Variants in TMEM131 observed in about 807,000 individuals in gnomAD.
TMEM131 encodes 2610524E03Rik.
In TMEM131, 66 loss-of-function variants were observed where a neutral mutation model predicts 211.6. The observed-to-expected ratio is 0.31, with a 90% confidence interval of 0.26 to 0.38. The LOEUF (loss-of-function observed/expected upper bound fraction) is 0.38, where lower values mean the gene tolerates loss of function less well. Among genes scored for constraint, TMEM131 ranks in the 10% least tolerant of loss-of-function variants. The probability of loss-of-function intolerance (pLI) is 1.00; values close to 1 mark genes in which losing one functional copy is unlikely to be tolerated. For synonymous variants in TMEM131, 844 were observed against 841.3 expected, an observed-to-expected ratio of 1.00 and a Z score of -0.06; for missense variants, 2,036 against 2,299.3, an observed-to-expected ratio of 0.89 and a Z score of 2.34.
intron 31 of TMEM131, among the ~76,000 whole-genome samples, chr2:97,792,185 G>A (rs577113577): frequency 2.5e-4 from 38 of 152,314 alleles, no homozygotes; most frequent in African/African-American, 9.1e-4. Context: ...AACAATCTAA[G>A]AAATACAAAT....
chr2:97,807,976 G>T (rs373921129), intron 19 of TMEM131, among the ~76,000 whole-genome samples: 1 of 151,924 alleles, frequency 6.6e-6, no homozygotes, highest in African/African-American at 2.4e-5. Context: ...TTACTGTAAG[G>T]GTTGAGTATC....
At chr2:97,991,623 A>G (rs1680269780) in intron 1 of TMEM131, among the ~76,000 whole-genome samples, 1 of 152,216 alleles carries the variant, frequency 6.6e-6, no homozygotes, top group South Asian at 2.1e-4. Context: ...ACTGTCAGCT[A>G]GGGCACAACC....
At chr2:97,833,654 CTTTT>C (rs11341582) in intron 10 of TMEM131, among the ~76,000 whole-genome samples, 2 of 143,786 alleles carry the variant, frequency 1.4e-5, no homozygotes, top group Middle Eastern at 3.2e-3. Context: ...AAAATATATA[CTTTT>C]TTTTTTTTTT....
intron 36 of TMEM131, chr2:97,761,818 G>A (rs1364523307): frequency 5.9e-6 from 3 of 510,942 alleles, no homozygotes; most frequent in Admixed American, 3.8e-5. Flanking sequence ...TGGTAAGAAT[G>A]AATGGATTAG....
At chr2:97,883,108 G>T (rs1411868570) in intron 4 of TMEM131, among the ~76,000 whole-genome samples, 1 of 152,074 alleles carries the variant, frequency 6.6e-6, no homozygotes, top group African/African-American at 2.4e-5. Context: ...GGCCTCTCTT[G>T]TAAGGTCACT....
At position 97,813,962 on chromosome 2, in the gene TMEM131, T is replaced by C; in HGVS notation, c.1617+9A>G. ...GAGTTTAAATGTTAAAGATGGATAA[T>C]ATACTTACATCTAAAAAGCCTGTGT... On this transcript the variant is annotated intron_variant, in intron 15 of 40. Transcript: ENST00000186436. The C allele has an allele frequency of 6.4e-7, 1 of 1,569,588 alleles. No individual in the cohort carries two copies. The highest frequency in any genetic ancestry group is 8.6e-7 in the Non-Finnish European group (1 of 1,156,532).
intron 4 of TMEM131, among the ~76,000 whole-genome samples, chr2:97,884,326 AT>A (rs752387036): frequency 1.2e-4 from 18 of 152,168 alleles, no homozygotes; most frequent in Non-Finnish European, 2.5e-4. Context: ...TTTGAGATTC[AT>A]TTTGTGTCCT....
At chr2:97,883,715 A>G (rs540948923) in intron 4 of TMEM131, among the ~76,000 whole-genome samples, 1 of 152,338 alleles carries the variant, frequency 6.6e-6, no homozygotes, top group East Asian at 1.9e-4. Flanking sequence ...AAACAATTAA[A>G]AATAAGTGAA....
intron 11 of TMEM131, among the ~76,000 whole-genome samples, chr2:97,831,422 A>T (rs1428824393): frequency 6.6e-6 from 1 of 152,154 alleles, no homozygotes; most frequent in Non-Finnish European, 1.5e-5. Context: ...TTCATTAAAT[A>T]TTTATTGAAT....
At chr2:97,823,735 C>G (rs1682238830) in intron 11 of TMEM131, among the ~76,000 whole-genome samples, 1 of 152,106 alleles carries the variant, frequency 6.6e-6, no homozygotes, top group African/African-American at 2.4e-5. Flanking sequence ...TGATGTCCAC[C>G]ATAACTCAGG....
In TMEM131 at chr2:97,814,251, G is replaced by C. The variant is rs1431356983; in HGVS notation, c.1430C>G (p.Ala477Gly). 6.2e-6 allele frequency: 10 copies of C among 1,613,466 alleles called. No homozygotes were observed. The South Asian group carries it at 8.8e-5, about 14-fold the overall frequency. ...TGGACATACTTTAAACATTGTTTTG[G>C]CTTCTTCTGGTAGCAACACATCGTG... ...LIHDVLLPEE[A>G]KTMFKVHNFS... is the part of the protein sequence containing the mutation. The change falls in exon 14 of 41, where the codon GCC becomes GGC. Residue 477 changes from alanine (A) to glycine (G), a missense_variant. Ala to Gly is a moderately conservative substitution (Grantham distance 60). Around this residue, in one of 3 missense-constraint regions of TMEM131, gnomAD observed 1,623 missense variants for 1,805.9 expected, o/e 0.90. Coordinates refer to ENST00000186436, the MANE Select transcript of TMEM131 (RefSeq NM_015348.2).
At chr2:97,924,490 G>A (rs1439372102) in intron 2 of TMEM131, among the ~76,000 whole-genome samples, 1 of 152,144 alleles carries the variant, frequency 6.6e-6, no homozygotes, top group Non-Finnish European at 1.5e-5. Flanking sequence ...GCCCTGTGGG[G>A]ACAGGCATGC....
At chr2:97,817,314 G>A (rs1681875965) in intron 12 of TMEM131, among the ~76,000 whole-genome samples, 2 of 152,210 alleles carry the variant, frequency 1.3e-5, no homozygotes, top group Admixed American at 6.5e-5. Flanking sequence ...CTGGCTGGGT[G>A]CAGTGCCTCA....
intron 34 of TMEM131, 44 bp from the exon 35 acceptor site, chr2:97,766,307 CCTTT>C (rs1679163372): frequency 6.2e-7 from 1 of 1,611,930 alleles, no homozygotes; most frequent in Non-Finnish European, 8.5e-7. Flanking sequence ...GAGAATCATT[CCTTT>C]CTTTCAGGTC....
intron 1 of TMEM131, among the ~76,000 whole-genome samples, chr2:97,954,412 G>A (rs1285690876): frequency 1.3e-5 from 2 of 152,048 alleles, no homozygotes; most frequent in African/African-American, 4.8e-5. Flanking sequence ...TTGAAAATAC[G>A]GACCAATTCC....
At chr2:97,976,972 A>AAG (rs1288321427) in intron 1 of TMEM131, among the ~76,000 whole-genome samples, 2 of 151,698 alleles carry the variant, frequency 1.3e-5, no homozygotes, top group Non-Finnish European at 2.9e-5. Flanking sequence ...AAAAAAAAAA[A>AAG]AAAAAAGAAC....
At chr2:97,888,020 G>A in intron 4 of TMEM131, 32 bp downstream of exon 4, 2 of 1,548,914 alleles carry the variant, frequency 1.3e-6, no homozygotes, top group East Asian at 2.2e-5. Flanking sequence ...ATAGTTTAAT[G>A]GGAAAGTACA....
At chr2:97,893,770 T>C (rs544410051) in intron 3 of TMEM131, among the ~76,000 whole-genome samples, 83 of 152,298 alleles carry the variant, frequency 5.4e-4, no homozygotes, top group African/African-American at 1.9e-3. Flanking sequence ...CTTTGTAGAT[T>C]CTGGATATTA....
At position 97,797,477 on chromosome 2, in the gene TMEM131, G is replaced by A. The variant is rs746930813; in HGVS notation, c.2758C>T (p.Leu920Phe). 37 of 1,613,396 alleles carry A rather than the reference G, an allele frequency of 2.3e-5. No individual in the cohort carries two copies. The highest frequency in any genetic ancestry group is 3.0e-5 in the Non-Finnish European group (35 of 1,179,660). Residue 920 changes from leucine (L) to phenylalanine (F), a missense_variant, in exon 26 of 41, where the codon CTC becomes TTC. Leu to Phe is a conservative substitution (Grantham distance 22). Transcript: ENST00000186436. The part of the protein sequence containing the change: ...LQSSTGFMEG[L>F]SRHLILNLIL... ...AGGTTTAAAATTAAATGTCGAGAGA[G>A]GCCCTCCATAAATCCTGTTGAACTC...
Sources: allele counts gnomAD v4.1 joint callset (sites outside exome capture counted in the v4.1 genomes callset), GRCh38; gene constraint gnomAD v4.1.1; regional missense constraint gnomAD v4.1.1; transcripts MANE v1.5; gene names NCBI Gene and HGNC (gene_info 2026-07-23, HGNC 2026-07-21).